The following MEGF11 variants were observed in gnomAD, a reference collection of about 807,000 sequenced individuals.
The protein encoded by MEGF11 is multiple EGF like domains 11.
A neutral mutation model predicts 146.6 loss-of-function variants in MEGF11; 126 were observed. The observed-to-expected ratio is 0.86, with a 90% CI of 0.74 to 1.00. MEGF11 has a LOEUF of 1.00. MEGF11 is among the 50% of genes least tolerant of loss of function. The probability of loss-of-function intolerance (pLI) is 0.00; values close to 1 mark genes in which losing one functional copy is unlikely to be tolerated. For missense variants in MEGF11, 1,509 were observed against 1,521.2 expected (o/e 0.99, Z 0.13); for synonymous variants, 532 against 583.4 (o/e 0.91, Z 1.27).
At chr15:65,939,794 TCTTTAA>T (rs2079920287) in intron 10 of MEGF11, among the ~76,000 whole-genome samples, 1 of 152,100 alleles carries the variant, frequency 6.6e-6, no homozygotes, top group South Asian at 2.1e-4. Flanking sequence ...TGCCCAGCCC[TCTTTAA>T]CTCTCCCCCA....
At chr15:65,959,504 G>A (rs1262736358) in intron 9 of MEGF11, among the ~76,000 whole-genome samples, 4 of 152,162 alleles carry the variant, frequency 2.6e-5, no homozygotes, top group African/African-American at 7.2e-5. Flanking sequence ...TGCTGGTAAA[G>A]GTTTCAAAAC....
intron 5 of MEGF11, among the ~76,000 whole-genome samples, chr15:66,079,886 A>C (rs1013205680): frequency 6.6e-6 from 1 of 152,048 alleles, no homozygotes; most frequent in Non-Finnish European, 1.5e-5. Flanking sequence ...CCTCATCCTG[A>C]CAAAGGTCTG....
At chr15:66,144,917 A>T (rs2089307687) in intron 1 of MEGF11, among the ~76,000 whole-genome samples, 1 of 152,238 alleles carries the variant, frequency 6.6e-6, no homozygotes, top group Non-Finnish European at 1.5e-5. Context: ...ACAGTGAATG[A>T]AGTAGACACT....
At chr15:66,237,551 A>G (rs2092122128) in intron 1 of MEGF11, among the ~76,000 whole-genome samples, 1 of 152,182 alleles carries the variant, frequency 6.6e-6, no homozygotes, top group African/African-American at 2.4e-5. Context: ...GGGAAGCCTA[A>G]GATTATGACT....
chr15:66,003,663 A>C (rs1224079679), intron 5 of MEGF11, among the ~76,000 whole-genome samples: 13 of 152,148 alleles, frequency 8.5e-5, no homozygotes, highest in Admixed American at 8.5e-4. Context: ...CCAAATGACT[A>C]ATCTGGTGAG....
Position 65,964,911 on chromosome 15 carries a change from A to G in MEGF11, c.1109T>C (p.Ile370Thr). ...CTCGCCCATTCCCAGCTCATACCTG[A>G]TGGTGTTGTCAGCGTCACAGGGGCA... ...LPCPCDADNT[I>T]SCHPVTGACT... Residue 370 changes from isoleucine to threonine, a missense_variant, in exon 9 of 26, where the codon ATC becomes ACC. By Grantham distance (89) the Ile-to-Thr change is moderately conservative. Coordinates refer to ENST00000395614, the MANE Select transcript of MEGF11 (RefSeq NM_001385028.1). The G allele has an allele frequency of 6.4e-7, 1 of 1,559,650 alleles. No individual in the cohort carries two copies. Among genetic ancestry groups the G allele is most frequent in the Non-Finnish European group, 8.7e-7 (1 of 1,150,484 alleles).
At chr15:66,116,311 AT>A (rs1459222480) in intron 4 of MEGF11, among the ~76,000 whole-genome samples, 2 of 151,936 alleles carry the variant, frequency 1.3e-5, no homozygotes, top group East Asian at 3.9e-4. Context: ...ATGAAAGTAG[AT>A]TCCACAAGGG....
At chr15:66,103,208 G>A (rs2086902582) in intron 4 of MEGF11, among the ~76,000 whole-genome samples, 1 of 152,212 alleles carries the variant, frequency 6.6e-6, no homozygotes, top group Admixed American at 6.5e-5. Context: ...GCTAAAATCT[G>A]TCCCTCCTCA....
chr15:65,946,466 C>T (rs1318396657), intron 10 of MEGF11, among the ~76,000 whole-genome samples: 3 of 152,304 alleles, frequency 2.0e-5, no homozygotes, highest in South Asian at 2.1e-4. Context: ...AGTACAGTGG[C>T]GTGATCTCGG....
chr15:66,196,695 A>G (rs1308549909), intron 1 of MEGF11, among the ~76,000 whole-genome samples: 1 of 152,204 alleles, frequency 6.6e-6, no homozygotes, highest in Non-Finnish European at 1.5e-5. Flanking sequence ...TCAACCAGGA[A>G]TTAAGGTGAC....
chr15:66,207,066 C>T (rs2091317577), intron 1 of MEGF11, among the ~76,000 whole-genome samples: 3 of 151,944 alleles, frequency 2.0e-5, no homozygotes. Context: ...CATAATACGC[C>T]ATGAAGCATG....
chr15:66,250,636 G>C (rs748043885), intron 1 of MEGF11, among the ~76,000 whole-genome samples: 32 of 152,216 alleles, frequency 2.1e-4, no homozygotes, highest in Admixed American at 1.1e-3. Flanking sequence ...GGCTGGGTGC[G>C]GTGGCTCAGC....
At chr15:66,119,230 A>G (rs1319636917) in intron 3 of MEGF11, 44 bp from the exon 4 acceptor site, 4 of 1,299,332 alleles carry the variant, frequency 3.1e-6, no homozygotes, top group Non-Finnish European at 4.3e-6. Context: ...TTGAAAATCA[A>G]TCACTCCCAT....
chr15:66,216,797 C>T (rs565450891), intron 1 of MEGF11, among the ~76,000 whole-genome samples: 1 of 152,190 alleles, frequency 6.6e-6, no homozygotes, highest in African/African-American at 2.4e-5. Context: ...CTGCCCAGAA[C>T]CCCCTTCAGG....
chr15:66,022,757 G>T (rs1307637230), intron 5 of MEGF11, among the ~76,000 whole-genome samples: 1 of 151,922 alleles, frequency 6.6e-6, no homozygotes, highest in Non-Finnish European at 1.5e-5. Context: ...TTGAGCCTGG[G>T]GTTGGGGGTG....
intron 8 of MEGF11, among the ~76,000 whole-genome samples, chr15:65,967,710 C>T (rs950405803): frequency 6.6e-6 from 1 of 152,038 alleles, no homozygotes; most frequent in Non-Finnish European, 1.5e-5. Flanking sequence ...TGCTCTGTGC[C>T]CACAGTGACA....
chr15:66,215,003 C>G (rs1025384862), intron 1 of MEGF11, among the ~76,000 whole-genome samples: 4 of 152,112 alleles, frequency 2.6e-5, no homozygotes, highest in African/African-American at 9.7e-5. Context: ...AGGAGGGAGG[C>G]AGAAGCACAT....
In MEGF11 at chr15:66,049,513, G is replaced by GT. The variant is rs376795910; in HGVS notation, c.394+44888dup. Reference sequence around the variant, plus strand: ...CAAGTGCCGCAGTGAGGGAAGCAATGTTTTTTTAATGGGGACTTGCGCCTG... The same window carrying GT: ...CAAGTGCCGCAGTGAGGGAAGCAATGTTTTTTTTAATGGGGACTTGCGCCTG... On this transcript the variant is annotated intron_variant, in intron 5 of 25. Transcript: ENST00000395614. 4.5e-3 allele frequency among the ~76,000 whole-genome samples: 684 copies of GT among 152,264 alleles called. 4 individuals are homozygous for GT. The highest frequency in any genetic ancestry group is 0.016 in the African/African-American group (661 of 41,552).
chr15:66,197,886 C>T (rs146176156), intron 1 of MEGF11, among the ~76,000 whole-genome samples: 1 of 152,252 alleles, frequency 6.6e-6, no homozygotes, highest in East Asian at 1.9e-4. Context: ...ACAAGGCCTC[C>T]AGGTTTCAAG....
Sources: gnomAD v4.1 joint callset for allele counts (sites outside exome capture counted in the v4.1 genomes callset) on GRCh38, gnomAD v4.1.1 for gene constraint, MANE v1.5 for transcripts, NCBI Gene and HGNC (gene_info 2026-07-23, HGNC 2026-07-21) for gene names.